FRAS1: variants seen among roughly 807,000 people sequenced by gnomAD.
The protein encoded by FRAS1 is Fraser extracellular matrix complex subunit 1.
A neutral mutation model predicts 435.2 loss-of-function variants in FRAS1; 290 were observed. The observed-to-expected ratio is 0.67, with a 90% CI of 0.61 to 0.73. FRAS1 has a LOEUF of 0.73. FRAS1 is among the 30% of genes least tolerant of loss of function. The pLI is 0.00. For missense variants in FRAS1, 4,860 were observed against 5,001.5 expected, an observed-to-expected ratio of 0.97 and a Z score of 0.85; for synonymous variants, 1,800 against 1,851.0, an observed-to-expected ratio of 0.97 and a Z score of 0.71.
chr4:78,239,868 A>G (rs1192148719), intron 3 of FRAS1, among the ~76,000 whole-genome samples: 2 of 152,170 alleles, frequency 1.3e-5, no homozygotes, highest in African/African-American at 2.4e-5. Context: ...CCTGGATGCC[A>G]TTCTGTGTAA....
intron 12 of FRAS1, 121 bp from the exon 13 acceptor site, chr4:78,284,284 A>G: frequency 5.3e-6 from 3 of 565,954 alleles, no homozygotes; most frequent in East Asian, 4.7e-5. Context: ...TAAGTCCCAC[A>G]GTTTTCTGTT....
intron 18 of FRAS1, among the ~76,000 whole-genome samples, chr4:78,330,322 G>GC (rs1729894567): frequency 6.6e-6 from 1 of 152,264 alleles, no homozygotes; most frequent in East Asian, 1.9e-4. Context: ...GATGTATGTT[G>GC]CCTAAGGACC....
chr4:78,425,909 G>A (rs1733980925), intron 35 of FRAS1, among the ~76,000 whole-genome samples: 1 of 152,114 alleles, frequency 6.6e-6, no homozygotes, highest in East Asian at 1.9e-4. Context: ...GTGTGAGGAG[G>A]GAGGATTCCT....
chr4:78,254,156 A>G (rs1301710102), intron 5 of FRAS1, among the ~76,000 whole-genome samples: 1 of 151,964 alleles, frequency 6.6e-6, no homozygotes, highest in Admixed American at 6.6e-5. Context: ...TACTCTTTTT[A>G]TTACACTTTG....
At chr4:78,335,932 A>G (rs1364247119) in intron 19 of FRAS1, among the ~76,000 whole-genome samples, 1 of 147,432 alleles carries the variant, frequency 6.8e-6, no homozygotes, top group Non-Finnish European at 1.5e-5. Flanking sequence ...TATATACAGG[A>G]AAAAAAACAT....
At chr4:78,419,939 G>A (rs558808308) in intron 33 of FRAS1, among the ~76,000 whole-genome samples, 3 of 152,250 alleles carry the variant, frequency 2.0e-5, no homozygotes, top group Middle Eastern at 3.4e-3. Context: ...CACCCAGGGG[G>A]ATGGTGTTAA....
At chr4:78,182,334 G>C (rs1003060163) in intron 2 of FRAS1, among the ~76,000 whole-genome samples, 1 of 152,184 alleles carries the variant, frequency 6.6e-6, no homozygotes, top group African/African-American at 2.4e-5. Flanking sequence ...CCTGGAAGGG[G>C]AGCTTCACCC....
chr4:78,460,675 G>A (rs74819639), intron 47 of FRAS1, among the ~76,000 whole-genome samples: 1,819 of 152,324 alleles, frequency 0.012, 30 homozygotes, highest in African/African-American at 0.042. Flanking sequence ...TGGGCTATAT[G>A]CATATAGCCT....
chr4:78,135,716 A>G (rs1422003447), intron 2 of FRAS1, among the ~76,000 whole-genome samples: 2 of 152,198 alleles, frequency 1.3e-5, no homozygotes, highest in African/African-American at 2.4e-5. Context: ...TAATATCTCA[A>G]GTACAGCACT....
chr4:78,181,420 G>C, intron 2 of FRAS1: 1 of 1,611,954 alleles, frequency 6.2e-7, no homozygotes, highest in Non-Finnish European at 8.5e-7. Flanking sequence ...CGTGCTTCAG[G>C]CCACTGTAAT....
At position 78,337,863 on chromosome 4, in the gene FRAS1, C is replaced by T. The variant is rs374831840; in HGVS notation, c.2422+46C>T. ...CTCCTCGGAAATCACTGGGCAGCTG[C>T]CGGGGCTCTTCATACCAGGCTTAAG... is the stretch of plus-strand genomic sequence containing the variant. On this transcript the variant is annotated intron_variant, in intron 20 of 73. Transcript: ENST00000512123. 478 of 1,608,492 alleles carry T rather than the reference C, an allele frequency of 3.0e-4. 1 individual carries two copies. The highest frequency in any genetic ancestry group is 7.5e-4 in the Admixed American group (45 of 59,958).
At chr4:78,298,030 C>CTCTCTATATA (rs1253600018) in intron 14 of FRAS1, among the ~76,000 whole-genome samples, 2 of 104,078 alleles carry the variant, frequency 1.9e-5, no homozygotes, top group African/African-American at 6.7e-5. Flanking sequence ...CTCTCTCTCT[C>CTCTCTATATA]TATATATATA....
At chr4:78,083,960 A>T (rs191041865) in intron 2 of FRAS1, among the ~76,000 whole-genome samples, 62 of 152,222 alleles carry the variant, frequency 4.1e-4, no homozygotes, top group Non-Finnish European at 7.9e-4. Context: ...CCTAAGGCAC[A>T]ATTCAAATAG....
intron 69 of FRAS1, among the ~76,000 whole-genome samples, chr4:78,523,453 A>G (rs536717949): frequency 1.3e-5 from 2 of 152,200 alleles, no homozygotes; most frequent in Admixed American, 6.5e-5. Context: ...TTTAACAACT[A>G]TAGTAAAATA....
At position 78,488,942 on chromosome 4, in the gene FRAS1, T is replaced by C; in HGVS notation, c.8820T>C (p.Pro2940=). The C allele has an allele frequency of 6.2e-7, 1 of 1,613,562 alleles. No homozygotes were observed. The highest frequency in any genetic ancestry group is 8.5e-7 in the Non-Finnish European group (1 of 1,179,714). ...VKEKEGVLHV[P]ITRSGDLSYE... is the part of the protein sequence containing the mutation. ...AGAAGGAGGGTGTCCTGCATGTCCCTATCACTCGGAGCGGAGACCTGAGCT... is the reference window on the plus strand; with the variant it reads ...AGAAGGAGGGTGTCCTGCATGTCCCCATCACTCGGAGCGGAGACCTGAGCT... Residue 2940 remains proline, a synonymous_variant, in exon 59 of 74, where the codon CCT becomes CCC. Coordinates refer to ENST00000512123, the MANE Select transcript of FRAS1 (RefSeq NM_025074.7).
intron 2 of FRAS1, among the ~76,000 whole-genome samples, chr4:78,219,919 A>T (rs532588106): frequency 6.6e-6 from 1 of 152,192 alleles, no homozygotes. Flanking sequence ...GAATCAGGTA[A>T]TGAAGGCCCA....
intron 10 of FRAS1, among the ~76,000 whole-genome samples, chr4:78,280,520 A>G (rs1727281572): frequency 6.6e-6 from 1 of 151,784 alleles, no homozygotes; most frequent in Non-Finnish European, 1.5e-5. Context: ...AACTGCAGGA[A>G]GTGAAACATG....
intron 2 of FRAS1, among the ~76,000 whole-genome samples, chr4:78,175,606 G>A (rs78366540): frequency 0.025 from 3,771 of 152,262 alleles, 78 homozygotes; most frequent in Admixed American, 0.06. Flanking sequence ...TTACAGCAGG[G>A]AGCCAATATT....
At chr4:78,497,418 G>A (rs1290628022) in intron 60 of FRAS1, among the ~76,000 whole-genome samples, 1 of 151,852 alleles carries the variant, frequency 6.6e-6, no homozygotes, top group African/African-American at 2.4e-5. Flanking sequence ...AAGCTCTATA[G>A]TCAGGTGTTA....
Sources: allele counts gnomAD v4.1 joint callset (sites outside exome capture counted in the v4.1 genomes callset), GRCh38; gene constraint gnomAD v4.1.1; transcripts MANE v1.5; gene names NCBI Gene and HGNC (gene_info 2026-07-23, HGNC 2026-07-21).